The following FOXP1 variants were observed in gnomAD, a reference collection of about 807,000 sequenced individuals.
The protein encoded by FOXP1 is forkhead box protein P1.
FOXP1 carries 15 observed loss-of-function variants against 98.2 expected under a neutral mutation model. The ratio of observed to expected loss-of-function variants is 0.15; its 90% CI spans 0.10 to 0.24. The LOEUF is 0.24. FOXP1 is among the 10% of genes least tolerant of loss of function. The pLI is 1.00. For synonymous variants in FOXP1, 371 were observed against 314.5 expected (o/e 1.18, Z -1.90); for missense variants, 633 against 848.5 (o/e 0.75, Z 3.15).
At chr3:71,139,973 G>A (rs1292406457) in intron 6 of FOXP1, among the ~76,000 whole-genome samples, 5 of 152,168 alleles carry the variant, frequency 3.3e-5, no homozygotes, top group Admixed American at 2.0e-4. Context: ...TTGTGTTCAC[G>A]GTGGTTGTAT....
chr3:71,344,434 G>C (rs995004584), intron 4 of FOXP1, among the ~76,000 whole-genome samples: 5 of 152,174 alleles, frequency 3.3e-5, no homozygotes, highest in Non-Finnish European at 7.3e-5. Context: ...TTTGGAATCA[G>C]TTAAAACGAC....
rs200493609 is a variant in FOXP1 at position 71,396,962 on chromosome 3, ATGTGTG to A, written c.-167-37724_-167-37719del. ...CATATATATATGTGTATATATATAT[ATGTGTG>A]TATATATATATATGTGTATATATAT... On this transcript the variant is annotated intron_variant, in intron 3 of 20. Coordinates refer to ENST00000649528, the MANE Select transcript of FOXP1 (RefSeq NM_001349338.3). 6.3e-3 allele frequency among the ~76,000 whole-genome samples: 154 copies of A among 24,590 alleles called. 10 individuals carry two copies. Among genetic ancestry groups the A allele is most frequent in the Non-Finnish European group, 9.6e-3 (85 of 8,824 alleles). 16.1% of individuals were successfully genotyped at this position (24,590 alleles called of 152,430 possible). A position where few individuals can be genotyped will look rare whatever the true frequency, so the allele number is the denominator to read the frequency against.
At chr3:70,962,207 T>C (rs6771784) in intron 20 of FOXP1, among the ~76,000 whole-genome samples, 4,614 of 152,338 alleles carry the variant, frequency 0.03, 232 homozygotes, top group African/African-American at 0.1. Flanking sequence ...TAGATGAGAT[T>C]CCACTGTGTT....
intron 7 of FOXP1, among the ~76,000 whole-genome samples, chr3:71,068,979 A>G (rs1372625228): frequency 1.3e-5 from 2 of 152,244 alleles, no homozygotes; most frequent in Non-Finnish European, 2.9e-5. Context: ...TGATTTAAGC[A>G]GTGCTTTTAC....
In FOXP1 at chr3:70,958,245, C is replaced by A; in HGVS notation, c.*1002G>T. On this transcript the variant is annotated 3_prime_UTR_variant, in exon 21 of 21. Transcript: ENST00000649528. The stretch of plus-strand genomic sequence containing the variant: ...GAAAAAAAGAAAATCCGAAACACCC[C>A]TCCCCCGAACCACCCCCAATACTGC... 1 of 499,918 alleles carries A rather than the reference C, an allele frequency of 2.0e-6. No individual in the cohort carries two copies. The highest frequency in any genetic ancestry group is 3.8e-6 in the Non-Finnish European group (1 of 262,788). 31.0% of individuals were successfully genotyped at this position (499,918 alleles called of 1,614,324 possible). A position where few individuals can be genotyped will look rare whatever the true frequency, so the allele number is the denominator to read the frequency against.
At chr3:71,570,130 G>T (rs1019598976) in intron 2 of FOXP1, 2 of 152,164 alleles carry the variant, frequency 1.3e-5, no homozygotes, top group African/African-American at 4.8e-5. Flanking sequence ...GTCCCTACCT[G>T]AGGGGTCAGG....
chr3:71,336,010 CAAAAAAAAAAAA>C (rs60051890), intron 4 of FOXP1, among the ~76,000 whole-genome samples: 3 of 34,058 alleles, frequency 8.8e-5, no homozygotes, highest in Non-Finnish European at 9.2e-5. Flanking sequence ...AACTCCATCT[CAAAAAAAAAAAA>C]AAAAAAAAAA....
intron 7 of FOXP1, among the ~76,000 whole-genome samples, chr3:71,091,900 G>A (rs1288983): frequency 0.5 from 75,758 of 152,054 alleles, 23,451 homozygotes; most frequent in Non-Finnish European, 0.69. Context: ...GGAAAATCAC[G>A]ATGTAGGCTG....
At chr3:71,233,718 A>G (rs990854403) in intron 5 of FOXP1, among the ~76,000 whole-genome samples, 6 of 150,872 alleles carry the variant, frequency 4.0e-5, no homozygotes, top group Non-Finnish European at 7.4e-5. Flanking sequence ...AGTTTTATAC[A>G]TTGTATTCTC....
chr3:71,569,936 C>T (rs2047209058), intron 2 of FOXP1, among the ~76,000 whole-genome samples: 1 of 152,150 alleles, frequency 6.6e-6, no homozygotes, highest in Non-Finnish European at 1.5e-5. Context: ...GCGCCAGCCA[C>T]CACGCCCGGC....
chr3:71,465,215 G>A (rs996277584), intron 3 of FOXP1, among the ~76,000 whole-genome samples: 1 of 151,634 alleles, frequency 6.6e-6, no homozygotes, highest in Admixed American at 6.6e-5. Flanking sequence ...GCTGAGACAG[G>A]AGAATTGCTT....
chr3:71,083,197 C>T (rs547584565), intron 7 of FOXP1, among the ~76,000 whole-genome samples: 63 of 152,252 alleles, frequency 4.1e-4, no homozygotes, highest in Non-Finnish European at 7.8e-4. Context: ...GTGCTGTCCT[C>T]GTGACAGTGA....
At chr3:71,277,366 A>C (rs1028734981) in intron 5 of FOXP1, among the ~76,000 whole-genome samples, 1 of 150,262 alleles carries the variant, frequency 6.7e-6, no homozygotes, top group Non-Finnish European at 1.5e-5. Context: ...AGTTCCATCT[A>C]TGTTGCCACA....
intron 2 of FOXP1, among the ~76,000 whole-genome samples, chr3:71,517,535 A>T (rs2042671156): frequency 6.6e-6 from 1 of 152,200 alleles, no homozygotes; most frequent in Admixed American, 6.5e-5. Context: ...CAACACAGCA[A>T]CTTGACCAAT....
intron 11 of FOXP1, among the ~76,000 whole-genome samples, chr3:71,017,813 C>T (rs1020790978): frequency 6.6e-5 from 10 of 152,090 alleles, no homozygotes; most frequent in Non-Finnish European, 1.5e-5. Flanking sequence ...CTGACTGCTA[C>T]CAGAAGATAC....
At chr3:71,245,700 AAG>A in intron 5 of FOXP1, among the ~76,000 whole-genome samples, 1 of 152,132 alleles carries the variant, frequency 6.6e-6, no homozygotes, top group East Asian at 1.9e-4. Flanking sequence ...TCACTGAGTG[AAG>A]AGTCTTAACC....
intron 2 of FOXP1, among the ~76,000 whole-genome samples, chr3:71,555,501 T>C (rs2046060828): frequency 6.6e-6 from 1 of 152,212 alleles, no homozygotes; most frequent in South Asian, 2.1e-4. Context: ...TCTGAGACAA[T>C]GCTAACCCAG....
chr3:71,116,303 TAC>T (rs900205137), intron 6 of FOXP1, among the ~76,000 whole-genome samples: 2 of 151,994 alleles, frequency 1.3e-5, no homozygotes, highest in Admixed American at 6.6e-5. Flanking sequence ...TACCATCTCA[TAC>T]AGAGGCCCAC....
chr3:71,171,967 CAATT>C (rs1387168378), intron 6 of FOXP1, among the ~76,000 whole-genome samples: 1 of 152,166 alleles, frequency 6.6e-6, no homozygotes, highest in Non-Finnish European at 1.5e-5. Flanking sequence ...TAATCCTTAT[CAATT>C]ATTTATTAAA....
Sources: allele counts gnomAD v4.1 joint callset (sites outside exome capture counted in the v4.1 genomes callset), GRCh38; gene constraint gnomAD v4.1.1; transcripts MANE v1.5; gene names NCBI Gene and HGNC (gene_info 2026-07-23, HGNC 2026-07-21).